Variants in MSRA observed in about 807,000 individuals in gnomAD.
MSRA encodes the protein mitochondrial peptide methionine sulfoxide reductase.
Under a neutral mutation model 31.3 loss-of-function variants are expected in MSRA, and 54 were observed. The observed-to-expected ratio is 1.73, with a 90% confidence interval of 1.39 to 2.17. The LOEUF is 2.17. MSRA is among the 30% of genes most tolerant of loss of function. MSRA has a pLI of 0.00. For synonymous variants in MSRA, 169 were observed against 116.5 expected (o/e 1.45, Z -2.90); for missense variants, 507 against 300.9 (o/e 1.69, Z -5.07).
At chr8:10,108,834 C>A (rs1800077931) in intron 1 of MSRA, among the ~76,000 whole-genome samples, 1 of 152,044 alleles carries the variant, frequency 6.6e-6, no homozygotes, top group Admixed American at 6.5e-5. Context: ...TCTGTCTCTC[C>A]ACTCCTTTTA....
At chr8:10,096,297 G>T (rs1469713812) in intron 1 of MSRA, 20 of 1,122,692 alleles carry the variant, frequency 1.8e-5, no homozygotes, top group Non-Finnish European at 2.2e-5. Flanking sequence ...ACCAGACTTC[G>T]CTTGAAGGGC....
intron 5 of MSRA, among the ~76,000 whole-genome samples, chr8:10,356,530 A>G (rs1459340759): frequency 6.6e-6 from 1 of 152,160 alleles, no homozygotes; most frequent in Non-Finnish European, 1.5e-5. Context: ...ACTGAATGCT[A>G]TGTCCCACTC....
chr8:10,070,966 T>A (rs948913785), intron 1 of MSRA, among the ~76,000 whole-genome samples: 2 of 152,228 alleles, frequency 1.3e-5, no homozygotes, highest in Non-Finnish European at 1.5e-5. Flanking sequence ...AACATTCATG[T>A]CCAGGTTTTT....
At chr8:10,144,991 C>T (rs988435475) in intron 1 of MSRA, among the ~76,000 whole-genome samples, 1 of 151,386 alleles carries the variant, frequency 6.6e-6, no homozygotes, top group Admixed American at 6.6e-5. Flanking sequence ...AGTCTCCTTT[C>T]CCCTCCCCCC....
chr8:10,332,939 C>T (rs1386326951), intron 5 of MSRA, among the ~76,000 whole-genome samples: 1 of 152,208 alleles, frequency 6.6e-6, no homozygotes, highest in Admixed American at 6.5e-5. Context: ...GGATATGAGT[C>T]CCTGGGTGGA....
At chr8:10,063,562 C>A (rs552300689) in intron 1 of MSRA, among the ~76,000 whole-genome samples, 31 of 152,270 alleles carry the variant, frequency 2.0e-4, no homozygotes, top group African/African-American at 6.3e-4. Context: ...CTCACCCCCC[C>A]AGGTGATGGG....
intron 5 of MSRA, among the ~76,000 whole-genome samples, chr8:10,371,588 A>C (rs768783305): frequency 1.8e-4 from 27 of 152,174 alleles, no homozygotes; most frequent in Non-Finnish European, 3.5e-4. Flanking sequence ...AAGCAGAGAC[A>C]GTGTTTGGAT....
chr8:10,183,685 C>T (rs992564843), intron 1 of MSRA, among the ~76,000 whole-genome samples: 7 of 151,982 alleles, frequency 4.6e-5, no homozygotes, highest in African/African-American at 1.7e-4. Context: ...CCCACTCTAC[C>T]CTGGAAGCCC....
intron 5 of MSRA, among the ~76,000 whole-genome samples, chr8:10,403,313 C>T (rs1250871569): frequency 1.3e-5 from 2 of 152,278 alleles, no homozygotes; most frequent in South Asian, 4.1e-4. Context: ...TGACATCAAC[C>T]CAGCCAACGA....
chr8:10,073,745 C>G (rs572900540), intron 1 of MSRA, among the ~76,000 whole-genome samples: 1 of 152,022 alleles, frequency 6.6e-6, no homozygotes, highest in African/African-American at 2.4e-5. Context: ...ACTTTCTACT[C>G]TTTGTCTGTA....
chr8:10,167,929 G>A (rs139188291), intron 1 of MSRA, among the ~76,000 whole-genome samples: 146 of 152,292 alleles, frequency 9.6e-4, no homozygotes, highest in Non-Finnish European at 1.6e-3. Flanking sequence ...AATGGACCGC[G>A]GAAGAGAGGC....
intron 2 of MSRA, among the ~76,000 whole-genome samples, chr8:10,209,481 G>A (rs898584554): frequency 1.8e-4 from 28 of 152,170 alleles, no homozygotes; most frequent in African/African-American, 6.5e-4. Flanking sequence ...TACAGAATTC[G>A]AAATAACAGG....
intron 1 of MSRA, among the ~76,000 whole-genome samples, chr8:10,076,909 G>T (rs1798020737): frequency 6.6e-6 from 1 of 151,890 alleles, no homozygotes; most frequent in South Asian, 2.1e-4. Flanking sequence ...TGTGAGGAGG[G>T]AGAACATTAG....
chr8:10,194,062 A>G (rs183273397), intron 1 of MSRA, among the ~76,000 whole-genome samples: 73 of 152,336 alleles, frequency 4.8e-4, no homozygotes, highest in Middle Eastern at 3.4e-3. Context: ...AACAGAAAGG[A>G]TGAGAGGGAA....
intron 5 of MSRA, chr8:10,337,714 G>A (rs1174336547): frequency 1.4e-6 from 1 of 702,580 alleles, no homozygotes; most frequent in Admixed American, 2.0e-5. Flanking sequence ...GGCAGCTGGT[G>A]CTTCCCTGTT....
intron 1 of MSRA, among the ~76,000 whole-genome samples, chr8:10,156,849 A>G (rs1357722413): frequency 7.8e-6 from 1 of 128,696 alleles, no homozygotes; most frequent in Admixed American, 8.3e-5. Context: ...TAGAAATTGG[A>G]TTCTTTACTT....
At chr8:10,101,807 C>T (rs184655826) in intron 1 of MSRA, among the ~76,000 whole-genome samples, 25 of 152,310 alleles carry the variant, frequency 1.6e-4, no homozygotes, top group African/African-American at 4.3e-4. Context: ...ACTTGGGTTG[C>T]TTCTACCTTT....
intron 5 of MSRA, among the ~76,000 whole-genome samples, chr8:10,386,839 CT>C (rs1400186562): frequency 5.4e-5 from 8 of 148,422 alleles, no homozygotes; most frequent in African/African-American, 2.0e-4. Context: ...GATTCGAACC[CT>C]TTGAGGAGAC....
At chr8:10,329,126 A>G (rs1198732639) in intron 5 of MSRA, among the ~76,000 whole-genome samples, 3 of 152,162 alleles carry the variant, frequency 2.0e-5, no homozygotes, top group Non-Finnish European at 2.9e-5. Context: ...ACTTTGCCAA[A>G]TCTCTGACTT....
Sources: allele counts gnomAD v4.1 joint callset (sites outside exome capture counted in the v4.1 genomes callset), GRCh38; gene constraint gnomAD v4.1.1; transcripts MANE v1.5; gene names NCBI Gene and HGNC (gene_info 2026-07-23, HGNC 2026-07-21).